The following ATP12A variants were observed in gnomAD, a reference collection of about 807,000 sequenced individuals.
ATP12A encodes the protein ATPase H+/K+ transporting non-gastric alpha2 subunit, also known as potassium-transporting ATPase alpha chain 2.
A neutral mutation model predicts 111.2 loss-of-function variants in ATP12A; 81 were observed. The observed-to-expected ratio is 0.73, with a 90% CI of 0.61 to 0.88. The LOEUF (loss-of-function observed/expected upper bound fraction) is 0.88, where lower values mean the gene tolerates loss of function less well. Ranked by LOEUF, ATP12A falls within the 40% of genes least tolerant of loss-of-function variation. The probability of loss-of-function intolerance (pLI) is 0.00; values close to 1 mark genes in which losing one functional copy is unlikely to be tolerated. For missense variants in ATP12A, 1,196 were observed against 1,313.1 expected, an observed-to-expected ratio of 0.91 and a Z score of 1.38; for synonymous variants, 498 against 499.8, an observed-to-expected ratio of 1.00 and a Z score of 0.05.
chr13:24,707,511 C>T lies in ATP12A; in HGVS notation c.2493+78C>T, dbSNP rs556537585. 310 of 1,562,780 alleles carry T rather than the reference C, an allele frequency of 2.0e-4. 4 individuals are homozygous for T. The South Asian group carries it at 3.4e-3, about 17-fold the overall frequency. On this transcript the variant is annotated intron_variant, in intron 17 of 22. Transcript: ENST00000381946. ...GTTCAGGGTCGCTACCTTCAAGGGC[C>T]GGGGATGGACTAACTCAAGGCTTCT...
rs757750229 is a variant in ATP12A, at chr13:24,691,061, A to T, written c.879A>T (p.Gly293=). 1 of 1,614,202 alleles carries T rather than the reference A, an allele frequency of 6.2e-7. No homozygotes were observed. The highest frequency in any genetic ancestry group is 1.1e-5 in the South Asian group (1 of 91,086). Residue 293 remains glycine (G), a synonymous_variant, in exon 8 of 23, where the codon GGA becomes GGT. Coordinates refer to ENST00000381946, the MANE Select transcript of ATP12A (RefSeq NM_001676.7). ...TTGCCTCATTGGCCTCAGGAGTTGG[A>T]AATGAGAAGACGCCCATTGCCATTG... The part of the protein sequence containing the change: ...GHIASLASGV[G]NEKTPIAIEI...
intron 8 of ATP12A, 56 bp from the exon 9 acceptor site, chr13:24,692,373 T>A: frequency 1.3e-6 from 2 of 1,555,884 alleles, no homozygotes; most frequent in Non-Finnish European, 1.8e-6. Flanking sequence ...TTCTGTATTA[T>A]TGGACCTGAG....
intron 11 of ATP12A, among the ~76,000 whole-genome samples, chr13:24,697,152 C>A (rs1020917593): frequency 1.3e-5 from 2 of 152,166 alleles, no homozygotes; most frequent in African/African-American, 4.8e-5. Context: ...TGCTCAGTGA[C>A]CCTGAGTGAA....
rs1235431554 is a variant in ATP12A, at chr13:24,690,366, A to C, written c.575A>C (p.Lys192Thr). ...GCTCTCGTCATCCGAGATTCCGAGAAGAAGACCATCCCTTCAGAGCAGCTG... is the reference window on the plus strand; with the variant it reads ...GCTCTCGTCATCCGAGATTCCGAGACGAAGACCATCCCTTCAGAGCAGCTG... Reference protein sequence around the residue: ...QQALVIRDSEKKTIPSEQLVV... With the variant: ...QQALVIRDSETKTIPSEQLVV... Residue 192 changes from lysine to threonine, a missense_variant, in exon 6 of 23, where the codon AAG becomes ACG. Physicochemically the swap from Lys to Thr is moderately conservative, Grantham distance 78. This residue lies in a region of ATP12A where 1,126 missense variants were observed against 1,228.5 expected (regional missense o/e 0.92). Transcript: ENST00000381946. 7 of 1,612,876 alleles carry C rather than the reference A, an allele frequency of 4.3e-6. No individual in the cohort carries two copies. In the South Asian group the frequency reaches 6.6e-5, roughly 15 times the overall value.
chr13:24,694,079 T>G (rs1308737710), intron 10 of ATP12A, among the ~76,000 whole-genome samples: 1 of 152,206 alleles, frequency 6.6e-6, no homozygotes, highest in East Asian at 1.9e-4. Context: ...CACATCCGCT[T>G]GTACCTTGAA....
chr13:24,707,124 C>T lies in ATP12A; in HGVS notation c.2271C>T (p.Ala757=), dbSNP rs370608869. 183 of 1,614,044 alleles carry T rather than the reference C, an allele frequency of 1.1e-4. No individual in the cohort carries two copies. The highest frequency in any genetic ancestry group is 1.5e-4 in the Non-Finnish European group (173 of 1,180,008). Residue 757 remains alanine (A), a synonymous_variant, in exon 16 of 23, where the codon GCC becomes GCT. Coordinates refer to ENST00000381946, the MANE Select transcript of ATP12A (RefSeq NM_001676.7). ...TGGGGATAGCAGGTTCTGATGCAGC[C>T]AAAAATGCAGCCGACATGGTCTTGC... ...IAMGIAGSDA[A]KNAADMVLLD... is the part of the protein sequence containing the mutation.
chr13:24,689,210 C>T (rs541475023), intron 4 of ATP12A, 52 bp from the exon 5 acceptor site: 22 of 1,476,838 alleles, frequency 1.5e-5, no homozygotes, highest in Middle Eastern at 1.8e-4. Context: ...CCCCAGGGCC[C>T]GGCTGCTTCC....
chr13:24,688,534 G>C lies in ATP12A; in HGVS notation c.432+12G>C. 6 of 1,519,788 alleles carry C rather than the reference G, an allele frequency of 3.9e-6. No homozygotes were observed. The South Asian group carries it at 8.2e-5, about 21-fold the overall frequency. The allele number at this position is 1,519,788 out of a possible 1,614,324, so 94.1% of individuals were successfully genotyped here. A position where few individuals can be genotyped will look rare whatever the true frequency, so the allele number is the denominator to read the frequency against. On this transcript the variant is annotated intron_variant, in intron 4 of 22. Coordinates refer to ENST00000381946, the MANE Select transcript of ATP12A (RefSeq NM_001676.7). ...CATCCCTGAACAACGTAAGGCTCTG[G>C]GGTGTCCCCTCCTGGTTTTGCTGGC...
intron 3 of ATP12A, among the ~76,000 whole-genome samples, chr13:24,686,889 C>A (rs961410882): frequency 1.3e-5 from 2 of 151,670 alleles, no homozygotes; most frequent in South Asian, 4.2e-4. Flanking sequence ...GAGAGCCGGT[C>A]GGGTGATGGG....
intron 14 of ATP12A, among the ~76,000 whole-genome samples, chr13:24,703,298 A>G (rs1381032571): frequency 6.6e-6 from 1 of 152,232 alleles, no homozygotes; most frequent in African/African-American, 2.4e-5. Flanking sequence ...GCTGTAATGC[A>G]GTGGTGTGAT....
At chr13:24,692,215 A>AT (rs1301354348) in intron 8 of ATP12A, among the ~76,000 whole-genome samples, 1 of 152,160 alleles carries the variant, frequency 6.6e-6, no homozygotes, top group Non-Finnish European at 1.5e-5. Context: ...AGCATCTCAT[A>AT]TTTAATCTTT....
At position 24,711,091 on chromosome 13, in the gene ATP12A, G is replaced by A. The variant is rs533484731; in HGVS notation, c.2999+198G>A. Among the ~76,000 whole-genome samples the A allele has an allele frequency of 1.2e-4, 18 of 152,296 alleles. No homozygotes were observed. The South Asian group carries it at 1.9e-3, about 16-fold the overall frequency. On this transcript the variant is annotated intron_variant, in intron 21 of 22. Transcript: ENST00000381946. ...ATGGGTTTTCTAGACCTCACCAACC[G>A]GCCTTCATCCTCATCCAACAGGTTG...
chr13:24,698,713 A>C lies in ATP12A; in HGVS notation c.1568A>C (p.Lys523Thr), dbSNP rs1373026811. ...GGCAAGCGCTTCCTCATGGTGATGA[A>C]GGGGGCCCCTGAGCGCATCCTAGAG... ...PHGKRFLMVM[K>T]GAPERILEKC... Residue 523 changes from lysine (K) to threonine (T), a missense_variant, in exon 12 of 23, where the codon AAG becomes ACG. Lys to Thr is a moderately conservative substitution (Grantham distance 78). Around this residue, in one of 3 missense-constraint regions of ATP12A, gnomAD observed 1,126 missense variants for 1,228.5 expected, o/e 0.92. Coordinates refer to ENST00000381946, the MANE Select transcript of ATP12A (RefSeq NM_001676.7). 1.2e-6 allele frequency: 2 copies of C among 1,613,822 alleles called. No homozygotes were observed. The highest frequency in any genetic ancestry group is 4.5e-5 in the East Asian group (2 of 44,862).
intron 15 of ATP12A, among the ~76,000 whole-genome samples, 174 bp from the exon 16 acceptor site, chr13:24,706,849 C>T (rs1163422784): frequency 1.3e-5 from 2 of 152,208 alleles, no homozygotes; most frequent in African/African-American, 4.8e-5. Flanking sequence ...TTTGGAGACC[C>T]TTGTTCCTGC....
chr13:24,711,585 G>T lies in ATP12A; in HGVS notation c.*63G>T, dbSNP rs367975997. ...GGGCACACTTGTTCATCTTCTGACC[G>T]TTTGCTGGGCTATTCCCCTGCAGTG... is the stretch of plus-strand genomic sequence containing the variant. On this transcript the variant is annotated 3_prime_UTR_variant, in exon 23 of 23. Transcript: ENST00000381946. 1 of 1,604,320 alleles carries T rather than the reference G, an allele frequency of 6.2e-7. No homozygotes were observed. The highest frequency in any genetic ancestry group is 8.5e-7 in the Non-Finnish European group (1 of 1,171,630).
At chr13:24,699,547 G>A (rs1449014452) in intron 12 of ATP12A, among the ~76,000 whole-genome samples, 1 of 152,208 alleles carries the variant, frequency 6.6e-6, no homozygotes, top group Non-Finnish European at 1.5e-5. Flanking sequence ...ACTTCATAGA[G>A]GTAGAGTTTG....
At position 24,700,925 on chromosome 13, in the gene ATP12A, G is replaced by A; in HGVS notation, c.1881+3G>A. 6.2e-7 allele frequency: 1 copy of A among 1,612,052 alleles called. No homozygotes were observed. Among genetic ancestry groups the A allele is most frequent in the Non-Finnish European group, 8.5e-7 (1 of 1,178,776 alleles). ...AATGCCGGAGTGCAGGGATCAAGGT[G>A]GGAGTTATTTTCCTGACTCAAGAAG... is the stretch of plus-strand genomic sequence containing the variant. On this transcript the variant is annotated splice_donor_region_variant and intron_variant, in intron 13 of 22. Coordinates refer to ENST00000381946, the MANE Select transcript of ATP12A (RefSeq NM_001676.7).
chr13:24,709,838 G>A lies in ATP12A; in HGVS notation c.2763+10G>A, dbSNP rs763095765. The stretch of plus-strand genomic sequence containing the variant: ...CTATGGGCAGGAATGGGTGAGTGGC[G>A]GGAGCCCTGCTGCAGAGTCCACCTG... On this transcript the variant is annotated intron_variant, in intron 19 of 22. Coordinates refer to ENST00000381946, the MANE Select transcript of ATP12A (RefSeq NM_001676.7). 20 of 1,613,438 alleles carry A rather than the reference G, an allele frequency of 1.2e-5. No homozygotes were observed. The highest frequency in any genetic ancestry group is 6.7e-5 in the East Asian group (3 of 44,874).
At position 24,710,519 on chromosome 13, in the gene ATP12A, C is replaced by T. The variant is rs1259931597; in HGVS notation, c.2823C>T (p.Ile941=). ...GCTACACGGCTTTCTTTGTTGGCAT[C>T]CTAGTCCAGCAAATAGCAGATCTGA... ...WTGYTAFFVG[I]LVQQIADLII... is the part of the protein sequence containing the mutation. Residue 941 remains isoleucine (I), a synonymous_variant, in exon 20 of 23, where the codon ATC becomes ATT. Coordinates refer to ENST00000381946, the MANE Select transcript of ATP12A (RefSeq NM_001676.7). The T allele has an allele frequency of 3.1e-6, 5 of 1,614,104 alleles. No individual in the cohort carries two copies. Among genetic ancestry groups the T allele is most frequent in the African/African-American group, 1.3e-5 (1 of 74,936 alleles).
Sources: allele counts gnomAD v4.1 joint callset (sites outside exome capture counted in the v4.1 genomes callset), GRCh38; gene constraint gnomAD v4.1.1; regional missense constraint gnomAD v4.1.1; transcripts MANE v1.5; gene names NCBI Gene and HGNC (gene_info 2026-07-23, HGNC 2026-07-21).